ARHGAP15: variants seen among roughly 807,000 people sequenced by gnomAD.
ARHGAP15 encodes the protein Rho GTPase activating protein 15.
In ARHGAP15, 51 loss-of-function variants were observed where a neutral mutation model predicts 63.7. The observed-to-expected ratio is 0.80, with a 90% CI of 0.64 to 1.01. The LOEUF (loss-of-function observed/expected upper bound fraction) is 1.01, where lower values mean the gene tolerates loss of function less well. ARHGAP15 is among the 50% of genes least tolerant of loss of function. ARHGAP15 has a pLI of 0.00. For missense variants in ARHGAP15, 560 were observed against 564.6 expected (o/e 0.99, Z 0.08); for synonymous variants, 191 against 193.8 (o/e 0.99, Z 0.12).
chr2:143,292,528 C>T (rs1451628507), intron 6 of ARHGAP15, among the ~76,000 whole-genome samples: 1 of 151,874 alleles, frequency 6.6e-6, no homozygotes, highest in Admixed American at 6.6e-5. Context: ...CATTTATATA[C>T]TTCACCTTGT....
intron 6 of ARHGAP15, among the ~76,000 whole-genome samples, chr2:143,371,505 C>G (rs1166115722): frequency 6.6e-6 from 1 of 152,132 alleles, no homozygotes; most frequent in East Asian, 1.9e-4. Context: ...TCTTCGTCTC[C>G]TCTCCCCACC....
At chr2:143,471,204 GTGTGTATATATACACACACA>G (rs1691547746) in intron 8 of ARHGAP15, among the ~76,000 whole-genome samples, 1 of 146,062 alleles carries the variant, frequency 6.8e-6, no homozygotes, top group Admixed American at 6.7e-5. Context: ...ACACATATAT[GTGTGTATATATACACACACA>G]TGTGTATGTG....
intron 6 of ARHGAP15, among the ~76,000 whole-genome samples, chr2:143,285,010 C>T (rs545198500): frequency 6.6e-6 from 1 of 152,130 alleles, no homozygotes; most frequent in African/African-American, 2.4e-5. Flanking sequence ...TAATGTTAGA[C>T]TTGTGGAAAT....
At chr2:143,218,059 C>T (rs1692828035) in intron 4 of ARHGAP15, among the ~76,000 whole-genome samples, 1 of 152,118 alleles carries the variant, frequency 6.6e-6, no homozygotes, top group African/African-American at 2.4e-5. Context: ...AAGAACAGGT[C>T]CCTTCCCCCA....
chr2:143,303,412 A>G (rs1437301247), intron 6 of ARHGAP15, among the ~76,000 whole-genome samples: 1 of 152,062 alleles, frequency 6.6e-6, no homozygotes, highest in Non-Finnish European at 1.5e-5. Context: ...CTGGCCAGCC[A>G]TATGTAGAAA....
At chr2:143,500,302 A>G (rs1042383828) in intron 9 of ARHGAP15, among the ~76,000 whole-genome samples, 1 of 151,422 alleles carries the variant, frequency 6.6e-6, no homozygotes, top group Non-Finnish European at 1.5e-5. Context: ...CTAACTGATT[A>G]AAAGCATCAA....
chr2:143,309,152 G>A (rs958981259), intron 6 of ARHGAP15, among the ~76,000 whole-genome samples: 1 of 151,978 alleles, frequency 6.6e-6, no homozygotes, highest in Non-Finnish European at 1.5e-5. Flanking sequence ...CAGCTAATGA[G>A]GCCTATTCTT....
At chr2:143,150,246 T>C (rs1689763373) in intron 1 of ARHGAP15, among the ~76,000 whole-genome samples, 1 of 152,000 alleles carries the variant, frequency 6.6e-6, no homozygotes, top group African/African-American at 2.4e-5. Context: ...GAAAGAGATG[T>C]CAAAAATACA....
intron 12 of ARHGAP15, among the ~76,000 whole-genome samples, chr2:143,695,157 A>G (rs936035825): frequency 2.0e-5 from 3 of 152,228 alleles, no homozygotes; most frequent in Non-Finnish European, 4.4e-5. Context: ...AATTAAAAAA[A>G]AGGTTGTAAA....
intron 6 of ARHGAP15, among the ~76,000 whole-genome samples, chr2:143,413,966 T>TGTGTGCGCGCGCAC: frequency 3.4e-5 from 4 of 117,910 alleles, no homozygotes; most frequent in Non-Finnish European, 6.8e-5. Context: ...TGTGTGTGTG[T>TGTGTGCGCGCGCAC]GCGCGCTCTC....
At chr2:143,238,267 A>G (rs1340531249) in intron 5 of ARHGAP15, 2 of 152,188 alleles carry the variant, frequency 1.3e-5, no homozygotes, top group Non-Finnish European at 2.9e-5. Flanking sequence ...CAACTTTCAG[A>G]ATGGGAGACA....
chr2:143,755,631 A>G (rs1445857264), intron 13 of ARHGAP15, among the ~76,000 whole-genome samples: 1 of 152,034 alleles, frequency 6.6e-6, no homozygotes, highest in Non-Finnish European at 1.5e-5. Context: ...GGGCACATTC[A>G]CCTTGGTGCT....
At chr2:143,142,774 T>C (rs1196617618) in intron 1 of ARHGAP15, among the ~76,000 whole-genome samples, 1 of 152,036 alleles carries the variant, frequency 6.6e-6, no homozygotes, top group Non-Finnish European at 1.5e-5. Flanking sequence ...GTGCACAAGA[T>C]GGGGAAATGT....
intron 6 of ARHGAP15, among the ~76,000 whole-genome samples, chr2:143,431,962 A>G (rs1263234054): frequency 6.6e-6 from 1 of 151,992 alleles, no homozygotes; most frequent in East Asian, 1.9e-4. Context: ...GTGCATCTGA[A>G]GTCAGTTGGA....
intron 13 of ARHGAP15, among the ~76,000 whole-genome samples, chr2:143,760,764 C>A (rs888722103): frequency 2.6e-5 from 4 of 151,876 alleles, no homozygotes; most frequent in African/African-American, 9.7e-5. Context: ...TAATTTTTTG[C>A]TTTTATTCAA....
intron 6 of ARHGAP15, among the ~76,000 whole-genome samples, chr2:143,321,595 A>G (rs960221319): frequency 6.6e-6 from 1 of 152,254 alleles, no homozygotes; most frequent in African/African-American, 2.4e-5. Flanking sequence ...TTCTGGACTG[A>G]GATCCTCTGC....
chr2:143,589,312 C>G (rs898467092), intron 11 of ARHGAP15, among the ~76,000 whole-genome samples: 15 of 152,206 alleles, frequency 9.9e-5, no homozygotes, highest in Non-Finnish European at 1.8e-4. Flanking sequence ...ACTGCATTTC[C>G]TTTCCAAAGG....
chr2:143,220,727 A>T (rs1692959005), intron 4 of ARHGAP15, among the ~76,000 whole-genome samples: 1 of 152,182 alleles, frequency 6.6e-6, no homozygotes. Context: ...AAATAATATA[A>T]CATACTATAA....
intron 6 of ARHGAP15, among the ~76,000 whole-genome samples, chr2:143,355,880 T>A (rs1003883589): frequency 6.6e-6 from 1 of 152,162 alleles, no homozygotes; most frequent in Admixed American, 6.5e-5. Flanking sequence ...CAAACTACAT[T>A]TTACAAGCAT....
Sources: gnomAD v4.1 joint callset for allele counts (sites outside exome capture counted in the v4.1 genomes callset) on GRCh38, gnomAD v4.1.1 for gene constraint, MANE v1.5 for transcripts, NCBI Gene and HGNC (gene_info 2026-07-23, HGNC 2026-07-21) for gene names.